The following ARHGAP31 variants were observed in gnomAD, a reference collection of about 807,000 sequenced individuals.
The protein encoded by ARHGAP31 is rho GTPase-activating protein 31.
ARHGAP31 carries 34 observed loss-of-function variants against 113.9 expected under a neutral mutation model. The ratio of observed to expected loss-of-function variants is 0.30; its 90% CI spans 0.23 to 0.40. The LOEUF is 0.40. ARHGAP31 is among the 10% of genes least tolerant of loss of function. The pLI, the probability that ARHGAP31 is intolerant of heterozygous loss-of-function variation, is 1.00. For synonymous variants in ARHGAP31, 650 were observed against 684.8 expected (o/e 0.95, Z 0.79); for missense variants, 1,548 against 1,767.1 (o/e 0.88, Z 2.22).
At chr3:119,383,284 G>A in intron 6 of ARHGAP31, 58 bp downstream of exon 6, 1 of 1,605,368 alleles carries the variant, frequency 6.2e-7, no homozygotes, top group Non-Finnish European at 8.5e-7. Context: ...TGCAACTAGT[G>A]GTGGGACTCA....
At chr3:119,306,586 A>G (rs549105523) in intron 1 of ARHGAP31, among the ~76,000 whole-genome samples, 2 of 152,192 alleles carry the variant, frequency 1.3e-5, no homozygotes, top group Admixed American at 6.5e-5. Context: ...GGGTATTTGC[A>G]TAGGTTGTGT....
intron 2 of ARHGAP31, among the ~76,000 whole-genome samples, chr3:119,367,265 CTT>C (rs2080258787): frequency 6.6e-6 from 1 of 152,194 alleles, no homozygotes; most frequent in African/African-American, 2.4e-5. Flanking sequence ...GTACTGTTGA[CTT>C]TGTCACCAGT....
chr3:119,413,918 TG>T lies in ARHGAP31; in HGVS notation c.1990del (p.Glu664AsnfsTer14). The T allele has an allele frequency of 6.2e-7, 1 of 1,614,212 alleles. No individual in the cohort carries two copies. The highest frequency in any genetic ancestry group is 8.5e-7 in the Non-Finnish European group (1 of 1,180,050). Reference protein sequence around the residue: ...PEIQQELKIIESEEELSSLPP... With the variant: ...PEIQQELKIIXSEEELSSLPP... ...AGATTCAACAGGAGCTGAAAATCAT[TG>T]AATCTGAGGAGGAGCTCTCATCGTT... On this transcript the variant is annotated frameshift_variant, in exon 12 of 12. Coordinates refer to ENST00000264245, the MANE Select transcript of ARHGAP31 (RefSeq NM_020754.4). LOFTEE classifies it low-confidence loss of function (END_TRUNC).
At chr3:119,387,071 A>G (rs1438946872) in intron 6 of ARHGAP31, among the ~76,000 whole-genome samples, 1 of 151,904 alleles carries the variant, frequency 6.6e-6, no homozygotes, top group African/African-American at 2.4e-5. Context: ...CAGGAGGTGG[A>G]GGAGCAGGGT....
intron 10 of ARHGAP31, among the ~76,000 whole-genome samples, chr3:119,409,034 ACG>A (rs1300574777): frequency 6.6e-6 from 1 of 152,182 alleles, no homozygotes; most frequent in East Asian, 1.9e-4. Context: ...GGGCTAGAGC[ACG>A]GTGTCTCAAC....
At chr3:119,382,691 G>A (rs1340419859) in intron 5 of ARHGAP31, among the ~76,000 whole-genome samples, 1 of 152,108 alleles carries the variant, frequency 6.6e-6, no homozygotes, top group African/African-American at 2.4e-5. Flanking sequence ...TTGTTTTGGG[G>A]GCTCACTGCC....
chr3:119,386,724 A>G (rs1002240344), intron 6 of ARHGAP31, among the ~76,000 whole-genome samples: 1 of 152,220 alleles, frequency 6.6e-6, no homozygotes, highest in Non-Finnish European at 1.5e-5. Context: ...TTTATTGGAT[A>G]CAAGGCAGAA....
intron 1 of ARHGAP31, chr3:119,324,999 G>A (rs2079829197): frequency 4.4e-6 from 2 of 456,326 alleles, no homozygotes; most frequent in Non-Finnish European, 8.8e-6. Context: ...TAGTGGCATA[G>A]TGTGGACTTA....
chr3:119,385,722 G>A (rs1196546806), intron 6 of ARHGAP31, among the ~76,000 whole-genome samples: 2 of 152,176 alleles, frequency 1.3e-5, no homozygotes, highest in East Asian at 3.8e-4. Flanking sequence ...TATACATGAA[G>A]AACCAGAGAA....
At position 119,414,720 on chromosome 3, in the gene ARHGAP31, G is replaced by C; in HGVS notation, c.2791G>C (p.Val931Leu). The C allele has an allele frequency of 6.2e-7, 1 of 1,614,184 alleles. No individual in the cohort carries two copies. The highest frequency in any genetic ancestry group is 8.5e-7 in the Non-Finnish European group (1 of 1,180,020). Reference protein sequence around the residue: ...PTLKDAHKAQVQGLQGHQLEK... With the variant: ...PTLKDAHKAQLQGLQGHQLEK... Reference sequence around the variant, plus strand: ...CCTGAAAGACGCGCACAAGGCCCAGGTACAGGGCCTTCAGGGTCACCAGTT... The same window carrying C: ...CCTGAAAGACGCGCACAAGGCCCAGCTACAGGGCCTTCAGGGTCACCAGTT... Residue 931 changes from valine (V) to leucine (L), a missense_variant, in exon 12 of 12, where the codon GTA becomes CTA. Coordinates refer to ENST00000264245, the MANE Select transcript of ARHGAP31 (RefSeq NM_020754.4).
intron 3 of ARHGAP31, among the ~76,000 whole-genome samples, chr3:119,371,834 C>T (rs2080300708): frequency 6.6e-6 from 1 of 152,132 alleles, no homozygotes; most frequent in Admixed American, 6.5e-5. Flanking sequence ...CATTTAGCTC[C>T]CACTTATGAG....
chr3:119,340,045 G>A (rs75711993), intron 1 of ARHGAP31, among the ~76,000 whole-genome samples: 2,908 of 152,276 alleles, frequency 0.019, 62 homozygotes, highest in East Asian at 0.11. Flanking sequence ...CTAGTATATG[G>A]AATATATTTA....
At position 119,359,425 on chromosome 3, in the gene ARHGAP31, A is replaced by G. The variant is rs112799111; in HGVS notation, c.101-5891A>G. ...ATATTTTTAAATTTTTTTTCTTAGA[A>G]AATTAGAAAGTGGTTCATTTGTTTT... On this transcript the variant is annotated intron_variant, in intron 1 of 11. Transcript: ENST00000264245. Among the ~76,000 whole-genome samples, 90 of 152,230 alleles carry G rather than the reference A, an allele frequency of 5.9e-4. 1 individual carries two copies. The highest frequency in any genetic ancestry group is 2.0e-3 in the African/African-American group (85 of 41,466).
chr3:119,406,195 G>C (rs1273001437), intron 10 of ARHGAP31, among the ~76,000 whole-genome samples: 3 of 152,100 alleles, frequency 2.0e-5, no homozygotes, highest in African/African-American at 7.2e-5. Context: ...GGGAGTGAGT[G>C]ATAGGTACAA....
intron 1 of ARHGAP31, among the ~76,000 whole-genome samples, chr3:119,355,716 A>G (rs1479368653): frequency 2.6e-5 from 4 of 152,056 alleles, no homozygotes; most frequent in Non-Finnish European, 4.4e-5. Context: ...ATTCCGACCT[A>G]TGAATGAGAA....
intron 1 of ARHGAP31, among the ~76,000 whole-genome samples, chr3:119,350,175 T>G (rs758820254): frequency 6.6e-6 from 1 of 152,160 alleles, no homozygotes; most frequent in Non-Finnish European, 1.5e-5. Context: ...GGTTACAAAC[T>G]GCAGGGAAGT....
intron 3 of ARHGAP31, among the ~76,000 whole-genome samples, chr3:119,372,770 G>A (rs964871485): frequency 6.6e-6 from 1 of 152,080 alleles, no homozygotes; most frequent in African/African-American, 2.4e-5. Flanking sequence ...TATGAGGTAG[G>A]TTTTATTGTC....
At chr3:119,343,548 T>C (rs1034427010) in intron 1 of ARHGAP31, among the ~76,000 whole-genome samples, 1 of 152,182 alleles carries the variant, frequency 6.6e-6, no homozygotes, top group African/African-American at 2.4e-5. Context: ...CCTCTTCGCT[T>C]TTCCAGAAGA....
intron 7 of ARHGAP31, 115 bp from the exon 8 acceptor site, chr3:119,393,352 G>T: frequency 7.3e-7 from 1 of 1,367,438 alleles, no homozygotes; most frequent in Non-Finnish European, 1.0e-6. Flanking sequence ...GGAATTTCTT[G>T]AAATATCAGA....
Sources: gnomAD v4.1 joint callset for allele counts (sites outside exome capture counted in the v4.1 genomes callset) on GRCh38, gnomAD v4.1.1 for gene constraint, MANE v1.5 for transcripts, NCBI Gene and HGNC (gene_info 2026-07-23, HGNC 2026-07-21) for gene names.